Variants in PTPN3 observed in about 807,000 individuals in gnomAD.
PTPN3 encodes tyrosine-protein phosphatase non-receptor type 3.
In PTPN3, 96 loss-of-function variants were observed where a neutral mutation model predicts 132.7. The observed-to-expected ratio is 0.72, with a 90% CI of 0.61 to 0.86. PTPN3 has a LOEUF of 0.86. Among genes scored for constraint, PTPN3 ranks in the 40% least tolerant of loss-of-function variants. PTPN3 has a pLI of 0.00. For missense variants in PTPN3, 1,125 were observed against 1,159.6 expected (o/e 0.97, Z 0.43); for synonymous variants, 398 against 429.0 (o/e 0.93, Z 0.89).
chr9:109,488,530 G>A (rs1230382804), intron 1 of PTPN3, among the ~76,000 whole-genome samples: 1 of 152,184 alleles, frequency 6.6e-6, no homozygotes, highest in Non-Finnish European at 1.5e-5. Context: ...TTCCATTAAA[G>A]CTGCTGATGC....
chr9:109,412,102 G>A (rs530854815), intron 14 of PTPN3, among the ~76,000 whole-genome samples: 1 of 152,292 alleles, frequency 6.6e-6, no homozygotes. Context: ...GCAACTGCTT[G>A]GCAGTTACAA....
At chr9:109,471,145 C>A (rs78436006) in intron 1 of PTPN3, among the ~76,000 whole-genome samples, 4,180 of 151,872 alleles carry the variant, frequency 0.028, 181 homozygotes, top group African/African-American at 0.095. Flanking sequence ...CAACCTCCGT[C>A]TCCTGGGCTG....
chr9:109,393,155 T>C (rs959258867), intron 19 of PTPN3, among the ~76,000 whole-genome samples: 2 of 152,188 alleles, frequency 1.3e-5, no homozygotes, highest in Non-Finnish European at 2.9e-5. Flanking sequence ...GGGAAATAAC[T>C]ACCCTAATTT....
chr9:109,430,357 C>T (rs1035484997), intron 10 of PTPN3, among the ~76,000 whole-genome samples: 1 of 152,106 alleles, frequency 6.6e-6, no homozygotes, highest in African/African-American at 2.4e-5. Flanking sequence ...GGTAGGAGGG[C>T]CTGGCAGGCC....
intron 9 of PTPN3, among the ~76,000 whole-genome samples, chr9:109,435,371 G>A (rs1843967991): frequency 6.6e-6 from 1 of 152,172 alleles, no homozygotes; most frequent in Non-Finnish European, 1.5e-5. Context: ...AAGCATTTAA[G>A]AGCTGGTGTG....
At chr9:109,515,130 T>G in the PTPN3 span, among the ~76,000 whole-genome samples, 1 of 152,136 alleles carries the variant, frequency 6.6e-6, no homozygotes, top group African/African-American at 2.4e-5. Flanking sequence ...CCAAGCTGTC[T>G]TCCTACTTCA....
chr9:109,483,838 C>T (rs936480998), intron 1 of PTPN3, among the ~76,000 whole-genome samples: 2 of 152,264 alleles, frequency 1.3e-5, no homozygotes, highest in African/African-American at 4.8e-5. Context: ...TTTTCCCTAC[C>T]TTCTCCTCCA....
chr9:109,387,019 G>T (rs1438286690), intron 22 of PTPN3, among the ~76,000 whole-genome samples: 2 of 152,200 alleles, frequency 1.3e-5, no homozygotes, highest in Admixed American at 1.3e-4. Context: ...GGGAAGTGAA[G>T]AGAAGGGAGG....
intron 19 of PTPN3, among the ~76,000 whole-genome samples, chr9:109,403,875 C>T (rs1012861327): frequency 1.3e-5 from 2 of 152,106 alleles, no homozygotes; most frequent in African/African-American, 4.8e-5. Flanking sequence ...CACAGGTTCC[C>T]CTGGGGAAGA....
chr9:109,465,572 G>T (rs568706492), intron 1 of PTPN3, among the ~76,000 whole-genome samples: 1 of 152,044 alleles, frequency 6.6e-6, no homozygotes. Context: ...AGCTGGGCAC[G>T]GTGGCATGCG....
the PTPN3 span, among the ~76,000 whole-genome samples, chr9:109,534,917 A>G: frequency 6.6e-6 from 1 of 152,266 alleles, no homozygotes. Context: ...ATCGTGGGTC[A>G]TAGCTCTTTT....
the PTPN3 span, among the ~76,000 whole-genome samples, chr9:109,507,613 G>A: frequency 6.6e-6 from 1 of 152,162 alleles, no homozygotes; most frequent in African/African-American, 2.4e-5. Flanking sequence ...CAGTCCAAAC[G>A]GACTGTCCAG....
At chr9:109,452,310 C>T (rs1389026853) in intron 5 of PTPN3, among the ~76,000 whole-genome samples, 1 of 140,354 alleles carries the variant, frequency 7.1e-6, no homozygotes, top group East Asian at 2.1e-4. Context: ...GAATAGAAAA[C>T]TTCAGAGTAC....
At chr9:109,499,021 G>T (rs1200905743), upstream of PTPN3, among the ~76,000 whole-genome samples, 2 of 151,880 alleles carry the variant, frequency 1.3e-5, no homozygotes, top group African/African-American at 4.8e-5. Context: ...TTTCTTCATA[G>T]CATTTAACAG....
chr9:109,463,662 C>T lies in PTPN3; in HGVS notation c.-17-211G>A, dbSNP rs374260544. 1.8e-4 allele frequency among the ~76,000 whole-genome samples: 28 copies of T among 152,318 alleles called. 1 individual carries two copies. Among genetic ancestry groups the T allele is most frequent in the African/African-American group, 6.3e-4 (26 of 41,568 alleles). ...GCTAAATTGTACGTTCACAGAATTA[C>T]GTGGCTTATTTGCATGTCTTATTAA... On this transcript the variant is annotated intron_variant, in intron 1 of 25. Coordinates refer to ENST00000374541, the MANE Select transcript of PTPN3 (RefSeq NM_002829.4).
At chr9:109,458,149 G>A (rs1021418896) in intron 2 of PTPN3, among the ~76,000 whole-genome samples, 2 of 152,192 alleles carry the variant, frequency 1.3e-5, no homozygotes, top group African/African-American at 2.4e-5. Flanking sequence ...GTCAAAGGCC[G>A]TCGAGGGCTG....
At chr9:109,452,248 AC>A (rs558688360) in intron 5 of PTPN3, among the ~76,000 whole-genome samples, 184 of 144,604 alleles carry the variant, frequency 1.3e-3, no homozygotes, top group African/African-American at 4.6e-3. Context: ...AGCCTGGGTG[AC>A]AGAGCGAGCT....
chr9:109,456,956 C>T (rs1206881593), intron 4 of PTPN3, among the ~76,000 whole-genome samples: 1 of 152,122 alleles, frequency 6.6e-6, no homozygotes, highest in Non-Finnish European at 1.5e-5. Flanking sequence ...CTCACCCTTC[C>T]CCTTCTTTCC....
chr9:109,507,136 C>T, the PTPN3 span, among the ~76,000 whole-genome samples: 5 of 152,184 alleles, frequency 3.3e-5, no homozygotes, highest in Non-Finnish European at 7.3e-5. Flanking sequence ...GTCAAGAACT[C>T]TCACTACTAC....
Sources: allele counts gnomAD v4.1 joint callset (sites outside exome capture counted in the v4.1 genomes callset), GRCh38; gene constraint gnomAD v4.1.1; transcripts MANE v1.5; gene names NCBI Gene and HGNC (gene_info 2026-07-23, HGNC 2026-07-21).